Variants in CIMAP1D observed in about 807,000 individuals in gnomAD.
CIMAP1D encodes the protein CIMAP1 family member D.
the CIMAP1D span, among the ~76,000 whole-genome samples, chr19:480,478 GGAAGGATGATGGTAAGGATGATGGA>G: frequency 1.6e-5 from 2 of 126,470 alleles, no homozygotes; most frequent in Non-Finnish European, 3.0e-5. Context: ...AGGATGATGG[GGAAGGATGATGGTAAGGATGATGGA>G]GAAGGATGAT....
the CIMAP1D span, among the ~76,000 whole-genome samples, chr19:477,720 T>C: frequency 2.0e-5 from 3 of 152,220 alleles, no homozygotes; most frequent in East Asian, 5.8e-4. Context: ...TGGAGTGCAG[T>C]GGCACGATCT....
At chr19:468,326 A>G in the CIMAP1D span, among the ~76,000 whole-genome samples, 2 of 152,036 alleles carry the variant, frequency 1.3e-5, no homozygotes, top group African/African-American at 4.8e-5. Flanking sequence ...TGATCGCGCC[A>G]CTGCACTCCA....
the CIMAP1D span, chr19:489,895 GCT>G: frequency 1.5e-5 from 6 of 390,488 alleles, no homozygotes; most frequent in Non-Finnish European, 2.3e-5. Flanking sequence ...GGAGGCTGCG[GCT>G]CTGCCTGAAC....
the CIMAP1D span, among the ~76,000 whole-genome samples, chr19:481,103 C>CGATGATGGAGAAGGAATGTGGGAAG: frequency 3.2e-5 from 2 of 62,418 alleles, no homozygotes; most frequent in Non-Finnish European, 5.7e-5. Context: ...TGATGGAGAA[C>CGATGATGGAGAAGGAATGTGGGAAG]GATGATGGAG....
the CIMAP1D span, among the ~76,000 whole-genome samples, chr19:473,905 G>A: frequency 0.02 from 2,448 of 123,628 alleles, no homozygotes; most frequent in African/African-American, 0.062. Context: ...CACAGATGGG[G>A]AAACTGAGGC....
At chr19:478,394 A>G in the CIMAP1D span, among the ~76,000 whole-genome samples, 22,224 of 132,474 alleles carry the variant, frequency 0.17, 4,052 homozygotes, top group African/African-American at 0.55. Flanking sequence ...CCGTTTCCCC[A>G]TTTTACGTGG....
chr19:488,661 GCC>G, the CIMAP1D span, among the ~76,000 whole-genome samples: 1 of 152,244 alleles, frequency 6.6e-6, no homozygotes, highest in Non-Finnish European at 1.5e-5. Context: ...AAGCCCCGCA[GCC>G]CCTACTCCAG....
the CIMAP1D span, among the ~76,000 whole-genome samples, chr19:473,057 T>C: frequency 8.4e-6 from 1 of 119,644 alleles, no homozygotes; most frequent in Non-Finnish European, 1.7e-5. Flanking sequence ...CAGGCAGAGA[T>C]ACACGGTCAC....
At chr19:472,016 G>T in the CIMAP1D span, among the ~76,000 whole-genome samples, 1 of 152,226 alleles carries the variant, frequency 6.6e-6, no homozygotes, top group Non-Finnish European at 1.5e-5. Context: ...TAAGTGCTGG[G>T]ATTTCAGGCG....
the CIMAP1D span, among the ~76,000 whole-genome samples, chr19:479,116 A>G: frequency 6.6e-6 from 1 of 152,188 alleles, no homozygotes; most frequent in Non-Finnish European, 1.5e-5. Flanking sequence ...AGTAGACAGC[A>G]AACTGTTCTC....
At chr19:484,197 A>G in the CIMAP1D span, among the ~76,000 whole-genome samples, 1 of 145,740 alleles carries the variant, frequency 6.9e-6, no homozygotes, top group South Asian at 2.2e-4. Context: ...CTGCAGTGCA[A>G]TGGCGCGATC....
At chr19:471,392 C>T in the CIMAP1D span, among the ~76,000 whole-genome samples, 4 of 151,766 alleles carry the variant, frequency 2.6e-5, no homozygotes, top group African/African-American at 9.7e-5. Flanking sequence ...TCGGGATCCC[C>T]CCGCCTCGGC....
the CIMAP1D span, among the ~76,000 whole-genome samples, chr19:476,560 T>A: frequency 6.6e-5 from 10 of 152,336 alleles, no homozygotes; most frequent in African/African-American, 2.4e-4. Context: ...CACCCTGCAA[T>A]GTAATTTTAA....
the CIMAP1D span, among the ~76,000 whole-genome samples, chr19:470,319 G>C: frequency 6.6e-6 from 1 of 150,756 alleles, no homozygotes. Context: ...CCATTCTCCT[G>C]CCTCAGCCTC....
chr19:463,668 G>A, the CIMAP1D span: 3 of 937,874 alleles, frequency 3.2e-6, no homozygotes, highest in Non-Finnish European at 4.6e-6. Context: ...AGGGCCATGG[G>A]TCACAGCCCC....
At chr19:467,386 C>CTCCTG in the CIMAP1D span, among the ~76,000 whole-genome samples, 2 of 152,004 alleles carry the variant, frequency 1.3e-5, no homozygotes, top group African/African-American at 4.8e-5. Context: ...CACCTCTCAC[C>CTCCTG]TCCTGACACC....
At chr19:480,615 T>TGGGAAGGATGATG in the CIMAP1D span, among the ~76,000 whole-genome samples, 2 of 97,118 alleles carry the variant, frequency 2.1e-5, 1 homozygote, top group African/African-American at 1.3e-4. Context: ...GGAAGGATGA[T>TGGGAAGGATGATG]GGGAAGGATG....
chr19:465,643 G>T, the CIMAP1D span, among the ~76,000 whole-genome samples: 1 of 148,950 alleles, frequency 6.7e-6, no homozygotes, highest in Non-Finnish European at 1.5e-5. Context: ...ATGGATGGGT[G>T]GGTGGAGGGA....
At chr19:464,273 G>A in the CIMAP1D span, 1 of 1,538,212 alleles carries the variant, frequency 6.5e-7, no homozygotes, top group Admixed American at 2.1e-5. Context: ...GGGGGAGGCG[G>A]CAGCCCAGGG....
Sources: allele counts gnomAD v4.1 joint callset (sites outside exome capture counted in the v4.1 genomes callset), GRCh38; gene constraint gnomAD v4.1.1; transcripts MANE v1.5; gene names NCBI Gene and HGNC (gene_info 2026-07-23, HGNC 2026-07-21).